ITFG1: variants seen among roughly 807,000 people sequenced by gnomAD.
ITFG1 encodes the protein T-cell immunomodulatory protein.
A neutral mutation model predicts 81.8 loss-of-function variants in ITFG1; 34 were observed. The observed-to-expected ratio is 0.42, with a 90% CI of 0.32 to 0.55. The LOEUF is 0.55. Ranked by LOEUF, ITFG1 falls within the 20% of genes least tolerant of loss-of-function variation. The pLI, the probability that ITFG1 is intolerant of heterozygous loss-of-function variation, is 0.17. For missense variants in ITFG1, 672 were observed against 755.4 expected, an observed-to-expected ratio of 0.89 and a Z score of 1.29; for synonymous variants, 285 against 270.6, an observed-to-expected ratio of 1.05 and a Z score of -0.52.
chr16:47,184,877 A>G (rs1348157158), intron 14 of ITFG1, among the ~76,000 whole-genome samples: 4 of 151,990 alleles, frequency 2.6e-5, no homozygotes, highest in Admixed American at 1.3e-4. Context: ...CTATATTCAG[A>G]AAACCCATCT....
intron 5 of ITFG1, among the ~76,000 whole-genome samples, chr16:47,432,049 T>C (rs934638303): frequency 2.0e-5 from 3 of 152,220 alleles, no homozygotes; most frequent in Non-Finnish European, 4.4e-5. Flanking sequence ...ACTTTCTCTT[T>C]GATGCTGTAA....
intron 6 of ITFG1, among the ~76,000 whole-genome samples, chr16:47,384,092 T>C (rs1269585781): frequency 1.3e-5 from 2 of 152,214 alleles, no homozygotes; most frequent in African/African-American, 2.4e-5. Context: ...TTCACAAAAA[T>C]TGTGGCCAGA....
chr16:47,365,003 G>A (rs1020539833), intron 8 of ITFG1, among the ~76,000 whole-genome samples: 1 of 152,210 alleles, frequency 6.6e-6, no homozygotes, highest in South Asian at 2.1e-4. Context: ...TTGTGCTCTT[G>A]CTATAAGCCT....
intron 8 of ITFG1, among the ~76,000 whole-genome samples, chr16:47,359,442 C>T (rs916477149): frequency 6.6e-6 from 1 of 152,184 alleles, no homozygotes; most frequent in African/African-American, 2.4e-5. Flanking sequence ...AATCAGTCTT[C>T]TTTTTCTCTT....
At chr16:47,430,820 C>T (rs1477686690) in intron 5 of ITFG1, among the ~76,000 whole-genome samples, 2 of 152,174 alleles carry the variant, frequency 1.3e-5, no homozygotes, top group African/African-American at 4.8e-5. Context: ...CTACGCTTAG[C>T]TATATATCCA....
chr16:47,444,470 C>G (rs564502040), intron 5 of ITFG1, among the ~76,000 whole-genome samples: 110 of 152,112 alleles, frequency 7.2e-4, no homozygotes, highest in African/African-American at 2.3e-3. Context: ...TTAAACATGA[C>G]AAACTTTTCC....
At chr16:47,342,655 G>T (rs1282610142) in intron 8 of ITFG1, among the ~76,000 whole-genome samples, 2 of 152,050 alleles carry the variant, frequency 1.3e-5, no homozygotes, top group Non-Finnish European at 2.9e-5. Flanking sequence ...CAGCAAAGTT[G>T]CAGGTTGATC....
At chr16:47,416,877 C>A (rs1968882039) in intron 6 of ITFG1, among the ~76,000 whole-genome samples, 1 of 152,164 alleles carries the variant, frequency 6.6e-6, no homozygotes, top group African/African-American at 2.4e-5. Context: ...ATATTCTGGA[C>A]AATGAGAAGT....
At chr16:47,453,911 A>G (rs182268072) in intron 3 of ITFG1, 102 bp downstream of exon 3, 23 of 739,572 alleles carry the variant, frequency 3.1e-5, no homozygotes, top group Middle Eastern at 3.6e-4. Context: ...ACAATTATTG[A>G]CACCCAAGAA....
At chr16:47,219,518 A>G (rs763709159) in intron 13 of ITFG1, among the ~76,000 whole-genome samples, 1 of 152,192 alleles carries the variant, frequency 6.6e-6, no homozygotes, top group African/African-American at 2.4e-5. Flanking sequence ...TCAAACCTTG[A>G]ATAAAATGAT....
At chr16:47,158,583 T>A (rs1964752058) in intron 17 of ITFG1, among the ~76,000 whole-genome samples, 1 of 152,232 alleles carries the variant, frequency 6.6e-6, no homozygotes, top group Non-Finnish European at 1.5e-5. Context: ...TATGAAATTG[T>A]TTCTAAATGC....
chr16:47,407,485 G>A (rs1265962390), intron 6 of ITFG1, among the ~76,000 whole-genome samples: 2 of 152,072 alleles, frequency 1.3e-5, no homozygotes. Context: ...CTAGTAACTG[G>A]GATTACAGAC....
At chr16:47,229,707 A>G (rs1000429044) in intron 13 of ITFG1, among the ~76,000 whole-genome samples, 1 of 152,064 alleles carries the variant, frequency 6.6e-6, no homozygotes, top group African/African-American at 2.4e-5. Context: ...GGAAAGGAAA[A>G]AGTGAGCCAG....
intron 2 of ITFG1, 39 bp downstream of exon 2, chr16:47,459,064 T>G (rs1401095005): frequency 2.5e-6 from 3 of 1,216,312 alleles, no homozygotes; most frequent in Non-Finnish European, 3.7e-6. Context: ...ATTATATTAA[T>G]GACTAAAGTT....
intron 13 of ITFG1, among the ~76,000 whole-genome samples, chr16:47,235,519 G>T (rs866803951): frequency 6.6e-6 from 1 of 152,160 alleles, no homozygotes; most frequent in African/African-American, 2.4e-5. Flanking sequence ...AACTGAATAT[G>T]AATAAAACAC....
Position 47,392,661 on chromosome 16 carries a change from T to C in ITFG1, c.656-16721A>G, listed in dbSNP as rs895297695. On this transcript the variant is annotated intron_variant, in intron 6 of 17. Coordinates refer to ENST00000320640, the MANE Select transcript of ITFG1 (RefSeq NM_030790.5). Reference sequence around the variant, plus strand: ...TAATTTATCAATGAAGTGGGTGTAATATCACCATTTATAGTAAGTTGATTT... The same window carrying C: ...TAATTTATCAATGAAGTGGGTGTAACATCACCATTTATAGTAAGTTGATTT... Among the ~76,000 whole-genome samples, 24 of 152,220 alleles carry C rather than the reference T, an allele frequency of 1.6e-4. 1 individual carries two copies. The highest frequency in any genetic ancestry group is 5.9e-4 in the Admixed American group (9 of 15,280).
chr16:47,363,431 T>C (rs1475780914), intron 8 of ITFG1, among the ~76,000 whole-genome samples: 1 of 152,094 alleles, frequency 6.6e-6, no homozygotes, highest in Admixed American at 6.5e-5. Context: ...GTGCAGTGGC[T>C]TGACCACAGC....
At chr16:47,202,773 T>C (rs538221387) in intron 14 of ITFG1, among the ~76,000 whole-genome samples, 46 of 152,124 alleles carry the variant, frequency 3.0e-4, no homozygotes, top group Admixed American at 3.9e-4. Context: ...ATACGTGCAA[T>C]ATTGGGAAAA....
At chr16:47,435,854 T>C (rs1969159320) in intron 5 of ITFG1, among the ~76,000 whole-genome samples, 1 of 152,144 alleles carries the variant, frequency 6.6e-6, no homozygotes, top group South Asian at 2.1e-4. Context: ...AATCTAAACG[T>C]TTTCATCAGC....
Sources: gnomAD v4.1 joint callset for allele counts (sites outside exome capture counted in the v4.1 genomes callset) on GRCh38, gnomAD v4.1.1 for gene constraint, MANE v1.5 for transcripts, NCBI Gene and HGNC (gene_info 2026-07-23, HGNC 2026-07-21) for gene names.